Variants in PRTG observed in about 807,000 individuals in gnomAD.
The protein encoded by PRTG is protogenin.
A neutral mutation model predicts 122.5 loss-of-function variants in PRTG; 67 were observed. That is an observed-to-expected ratio of 0.55 (90% CI 0.45 to 0.67). The LOEUF (loss-of-function observed/expected upper bound fraction) is 0.67. Among genes scored for constraint, PRTG ranks in the 30% least tolerant of loss-of-function variants. PRTG has a pLI of 0.00. For synonymous variants in PRTG, 554 were observed against 501.1 expected, an observed-to-expected ratio of 1.11 and a Z score of -1.41; for missense variants, 1,435 against 1,415.4, an observed-to-expected ratio of 1.01 and a Z score of -0.22.
At chr15:55,691,660 A>G (rs1040254573) in intron 2 of PRTG, among the ~76,000 whole-genome samples, 4 of 151,766 alleles carry the variant, frequency 2.6e-5, no homozygotes, top group Admixed American at 6.6e-5. Context: ...CAGCCTGGGC[A>G]ACAGAGCAAG....
chr15:55,634,896 C>T (rs1422285689), intron 15 of PRTG, among the ~76,000 whole-genome samples: 2 of 152,074 alleles, frequency 1.3e-5, no homozygotes, highest in East Asian at 3.9e-4. Context: ...GTGAATTACA[C>T]CCGCATCGAT....
At chr15:55,710,431 T>TC (rs1555435616) in intron 2 of PRTG, among the ~76,000 whole-genome samples, 1 of 152,142 alleles carries the variant, frequency 6.6e-6, no homozygotes, top group African/African-American at 2.4e-5. Context: ...AGCACTTTCT[T>TC]CCCCCCAGGG....
intron 2 of PRTG, among the ~76,000 whole-genome samples, chr15:55,700,801 C>T (rs1486037006): frequency 6.6e-6 from 1 of 152,030 alleles, no homozygotes; most frequent in Non-Finnish European, 1.5e-5. Flanking sequence ...ATAAACCCCT[C>T]CTCTTGGAAA....
At chr15:55,707,026 TA>T (rs1462070713) in intron 2 of PRTG, among the ~76,000 whole-genome samples, 2 of 152,202 alleles carry the variant, frequency 1.3e-5, no homozygotes, top group South Asian at 4.1e-4. Flanking sequence ...GACTTTACTT[TA>T]AAATTTGAGA....
At chr15:55,674,792 T>C (rs1460580618) in intron 9 of PRTG, among the ~76,000 whole-genome samples, 2 of 152,146 alleles carry the variant, frequency 1.3e-5, no homozygotes, top group Admixed American at 6.5e-5. Flanking sequence ...GAGAACAGTA[T>C]TGATTAAGCA....
intron 3 of PRTG, among the ~76,000 whole-genome samples, chr15:55,682,796 C>T (rs149768494): frequency 6.6e-6 from 1 of 152,042 alleles, no homozygotes; most frequent in Non-Finnish European, 1.5e-5. Context: ...TTTCTGACCT[C>T]AAGTGATCTG....
In PRTG at chr15:55,619,690, T is replaced by C. The variant is rs370054899; in HGVS notation, c.*322A>G. The stretch of plus-strand genomic sequence containing the variant: ...CAAACATCTCGACCGTTCTTTCACA[T>C]TGCTGACAATGAAACATTCAAATTA... On this transcript the variant is annotated 3_prime_UTR_variant, in exon 20 of 20. Coordinates refer to ENST00000389286, the MANE Select transcript of PRTG (RefSeq NM_173814.6). 2.7e-5 allele frequency: 7 copies of C among 261,138 alleles called. No homozygotes were observed. Among genetic ancestry groups the C allele is most frequent in the South Asian group, 7.5e-5 (1 of 13,392 alleles). 16.2% of individuals were successfully genotyped at this position (261,138 alleles called of 1,614,324 possible).
rs1283944607 is a variant in PRTG at position 55,619,046 on chromosome 15, A to G, written c.*966T>C. On this transcript the variant is annotated 3_prime_UTR_variant, in exon 20 of 20. Coordinates refer to ENST00000389286, the MANE Select transcript of PRTG (RefSeq NM_173814.6). ...TTTTCTTTAAAAATCCATATTCTGC[A>G]TGGGGTTTTGCAACTAATACTGGCA... 6.6e-6 allele frequency: 1 copy of G among 152,158 alleles called. No individual in the cohort carries two copies. Among genetic ancestry groups the G allele is most frequent in the Non-Finnish European group, 1.5e-5 (1 of 68,034 alleles). 9.4% of individuals were successfully genotyped at this position (152,158 alleles called of 1,614,324 possible).
chr15:55,619,473 T>G lies in PRTG; in HGVS notation c.*539A>C, dbSNP rs192888483. 1 of 156,438 alleles carries G rather than the reference T, an allele frequency of 6.4e-6. No individual in the cohort carries two copies. Among genetic ancestry groups the G allele is most frequent in the Admixed American group, 6.2e-5 (1 of 16,058 alleles). The allele number at this position is 156,438 out of a possible 1,614,324, so 9.7% of individuals were successfully genotyped here. Reference sequence around the variant, plus strand: ...ATATGACTCCTTTGATCACACACATTACACGTACAGCAATGAAAACACAAT... The same window carrying G: ...ATATGACTCCTTTGATCACACACATGACACGTACAGCAATGAAAACACAAT... On this transcript the variant is annotated 3_prime_UTR_variant, in exon 20 of 20. Coordinates refer to ENST00000389286, the MANE Select transcript of PRTG (RefSeq NM_173814.6).
chr15:55,736,216 CAGGTAAG>C (rs1567120841), intron 2 of PRTG, among the ~76,000 whole-genome samples: 5 of 152,080 alleles, frequency 3.3e-5, no homozygotes, highest in African/African-American at 1.2e-4. Context: ...AATAGGCACG[CAGGTAAG>C]AGACTCAGTC....
At chr15:55,689,606 G>A (rs1358995714) in intron 2 of PRTG, among the ~76,000 whole-genome samples, 1 of 146,668 alleles carries the variant, frequency 6.8e-6, no homozygotes, top group African/African-American at 2.5e-5. Context: ...CCTACACGTT[G>A]TGCACATGTA....
intron 15 of PRTG, among the ~76,000 whole-genome samples, chr15:55,635,495 T>C (rs1005789038): frequency 1.1e-4 from 17 of 152,216 alleles, no homozygotes; most frequent in African/African-American, 4.1e-4. Context: ...GTCCAAATTG[T>C]TGACTCAAAG....
chr15:55,620,689 C>CT lies in PRTG; in HGVS notation c.3171dup (p.Asp1058ArgfsTer8), dbSNP rs1567071167. ...TGCTCAACTTGTATCTTCTTTGAGT[C>CT]TTGGAAAAAAAACCACTTTTTCTTA... On this transcript the variant is annotated frameshift_variant, in exon 19 of 20. Transcript: ENST00000389286. LOFTEE classifies it high-confidence loss of function. 6.3e-7 allele frequency: 1 copy of CT among 1,597,742 alleles called. No individual in the cohort carries two copies. Among genetic ancestry groups the CT allele is most frequent in the Non-Finnish European group, 8.5e-7 (1 of 1,176,014 alleles).
At chr15:55,678,715 T>C (rs2141808551) in intron 7 of PRTG, among the ~76,000 whole-genome samples, 1 of 152,362 alleles carries the variant, frequency 6.6e-6, no homozygotes, top group South Asian at 2.1e-4. Flanking sequence ...ACAACTTATT[T>C]TTTTAAATTT....
At chr15:55,738,561 A>G (rs2031508619) in intron 2 of PRTG, 1 of 699,062 alleles carries the variant, frequency 1.4e-6, no homozygotes, top group African/African-American at 1.8e-5. Context: ...CAAACTCTAA[A>G]AGGTGGGAAA....
chr15:55,742,903 C>A lies in PRTG; in HGVS notation c.29G>T (p.Arg10Leu). ...GAGCAGCATCCCCGGCGGTCGCAGC[C>A]GGGCGAGGGGTCGCAGAGGAGGCGC... The part of the protein sequence containing the change: MAPPLRPLA[R>L]LRPPGMLLRA... The change falls in exon 1 of 20, where the codon CGG (arginine) becomes CTG (leucine). Residue 10 changes from arginine to leucine, a missense_variant. Coordinates refer to ENST00000389286, the MANE Select transcript of PRTG (RefSeq NM_173814.6). 2 of 1,529,398 alleles carry A rather than the reference C, an allele frequency of 1.3e-6. No homozygotes were observed. The highest frequency in any genetic ancestry group is 1.4e-5 in the African/African-American group (1 of 70,018). 94.7% of individuals were successfully genotyped at this position (1,529,398 alleles called of 1,614,324 possible).
In PRTG at chr15:55,738,511, G is replaced by A. The variant is rs1300883515; in HGVS notation, c.397+1871C>T. ...TGTACTCCCTATCCCTGAAAGATAAGATAAGTTACAGTTCCTGAAGATGAA... is the reference window on the plus strand; with the variant it reads ...TGTACTCCCTATCCCTGAAAGATAAAATAAGTTACAGTTCCTGAAGATGAA... On this transcript the variant is annotated intron_variant, in intron 2 of 19. Coordinates refer to ENST00000389286, the MANE Select transcript of PRTG (RefSeq NM_173814.6). The A allele has an allele frequency of 8.6e-6, 6 of 700,830 alleles. No individual in the cohort carries two copies. The East Asian group carries it at 1.6e-4, about 19-fold the overall frequency. 43.4% of individuals were successfully genotyped at this position (700,830 alleles called of 1,614,324 possible).
chr15:55,673,592 T>C lies in PRTG; in HGVS notation c.1631A>G (p.Tyr544Cys). ...LISWLPIPAK[Y>C]RRGQVVLYRL... Reference sequence around the variant, plus strand: ...ATACAGCACCACTTGGCCCCGCCGATATTTGGCTGGGATTGGCAGCCAGGA... The same window carrying C: ...ATACAGCACCACTTGGCCCCGCCGACATTTGGCTGGGATTGGCAGCCAGGA... Residue 544 changes from tyrosine (Y) to cysteine (C), a missense_variant, in exon 10 of 20, where the codon TAT becomes TGT. Transcript: ENST00000389286. 6.2e-7 allele frequency: 1 copy of C among 1,614,194 alleles called. No homozygotes were observed. Among genetic ancestry groups the C allele is most frequent in the Non-Finnish European group, 8.5e-7 (1 of 1,180,020 alleles).
intron 12 of PRTG, 114 bp downstream of exon 12, chr15:55,640,999 T>C (rs769624628): frequency 3.7e-5 from 27 of 739,108 alleles, no homozygotes; most frequent in Admixed American, 2.4e-4. Context: ...GCACAGAGGA[T>C]AGAAATTAAG....
Sources: gnomAD v4.1 joint callset for allele counts (sites outside exome capture counted in the v4.1 genomes callset) on GRCh38, gnomAD v4.1.1 for gene constraint, MANE v1.5 for transcripts, NCBI Gene and HGNC (gene_info 2026-07-23, HGNC 2026-07-21) for gene names.